LSAMP: variants seen among roughly 807,000 people sequenced by gnomAD.
The protein encoded by LSAMP is limbic system associated membrane protein.
LSAMP carries 7 observed loss-of-function variants against 38.6 expected under a neutral mutation model. The ratio of observed to expected loss-of-function variants is 0.18; its 90% CI spans 0.10 to 0.34. The LOEUF (loss-of-function observed/expected upper bound fraction) is 0.34. Ranked by LOEUF, LSAMP falls within the 10% of genes least tolerant of loss-of-function variation. The pLI is 1.00. For missense variants in LSAMP, 313 were observed against 420.0 expected (o/e 0.75, Z 2.23); for synonymous variants, 154 against 166.8 (o/e 0.92, Z 0.59).
intron 3 of LSAMP, among the ~76,000 whole-genome samples, chr3:115,977,664 C>T (rs531069252): frequency 4.2e-4 from 63 of 150,920 alleles, no homozygotes; most frequent in Admixed American, 8.0e-4. Context: ...ATATCTCCTC[C>T]TTATTGTCCA....
chr3:116,047,685 T>C (rs995476149), intron 2 of LSAMP, among the ~76,000 whole-genome samples: 2 of 152,158 alleles, frequency 1.3e-5, no homozygotes, highest in African/African-American at 4.8e-5. Flanking sequence ...AAAAGCCATT[T>C]CCCCTCTGTG....
At chr3:116,332,573 G>A (rs2047865138) in intron 1 of LSAMP, among the ~76,000 whole-genome samples, 1 of 152,126 alleles carries the variant, frequency 6.6e-6, no homozygotes, top group Non-Finnish European at 1.5e-5. Flanking sequence ...TGCAGAAAAT[G>A]AGGGACAAAA....
At chr3:116,002,023 TCTTTGA>T (rs959937403) in intron 3 of LSAMP, among the ~76,000 whole-genome samples, 2 of 152,210 alleles carry the variant, frequency 1.3e-5, no homozygotes, top group African/African-American at 2.4e-5. Context: ...CTTTCTTTTC[TCTTTGA>T]CTTTAACTTT....
At chr3:115,852,049 A>G (rs1220857906) in intron 4 of LSAMP, among the ~76,000 whole-genome samples, 1 of 152,218 alleles carries the variant, frequency 6.6e-6, no homozygotes, top group Non-Finnish European at 1.5e-5. Flanking sequence ...CCCAAGGCCA[A>G]TTATTTAAAT....
intron 3 of LSAMP, among the ~76,000 whole-genome samples, chr3:116,013,156 G>A (rs547827998): frequency 3.9e-5 from 6 of 152,320 alleles, no homozygotes; most frequent in East Asian, 1.9e-4. Context: ...CTGATGACAC[G>A]TGTGTAGGGT....
chr3:116,278,201 C>CACAA (rs2047079687), intron 1 of LSAMP, among the ~76,000 whole-genome samples: 1 of 152,148 alleles, frequency 6.6e-6, no homozygotes, highest in East Asian at 1.9e-4. Context: ...CAAAAAATGT[C>CACAA]ACAAACACAC....
chr3:116,129,722 T>A (rs1362167295), intron 1 of LSAMP, among the ~76,000 whole-genome samples: 5 of 152,212 alleles, frequency 3.3e-5, no homozygotes, highest in African/African-American at 4.8e-5. Flanking sequence ...AGTGGAAGAA[T>A]GAATGCCAGG....
At chr3:116,241,481 C>T (rs910246223) in intron 1 of LSAMP, among the ~76,000 whole-genome samples, 6 of 151,928 alleles carry the variant, frequency 3.9e-5, no homozygotes, top group Admixed American at 2.6e-4. Context: ...CAGGAGAATC[C>T]GCTTGAACCC....
chr3:116,349,473 C>T (rs1576151364), intron 1 of LSAMP, among the ~76,000 whole-genome samples: 2 of 150,374 alleles, frequency 1.3e-5, no homozygotes, highest in African/African-American at 4.9e-5. Context: ...AATGACCCCC[C>T]CCAAAAAAAC....
At chr3:116,070,417 A>G (rs942006033) in intron 2 of LSAMP, among the ~76,000 whole-genome samples, 3 of 152,216 alleles carry the variant, frequency 2.0e-5, no homozygotes, top group African/African-American at 7.2e-5. Context: ...GGTTAGAGAC[A>G]GAAGAGATCA....
intron 3 of LSAMP, among the ~76,000 whole-genome samples, chr3:115,890,313 T>C (rs1238078737): frequency 2.0e-5 from 3 of 152,012 alleles, no homozygotes; most frequent in East Asian, 1.9e-4. Flanking sequence ...ACCTAACAGA[T>C]AGTCATATAG....
chr3:115,822,348 CTCTT>C (rs1242942365), intron 6 of LSAMP, among the ~76,000 whole-genome samples: 1 of 141,672 alleles, frequency 7.1e-6, no homozygotes, highest in Non-Finnish European at 1.5e-5. Context: ...TCTTCTTTCT[CTCTT>C]TCTTTCCTTC....
chr3:116,109,915 G>A (rs1205501040), intron 1 of LSAMP, among the ~76,000 whole-genome samples: 1 of 151,932 alleles, frequency 6.6e-6, no homozygotes, highest in Middle Eastern at 3.4e-3. Context: ...AGAGATAAGA[G>A]GATGGGGTGC....
intron 1 of LSAMP, among the ~76,000 whole-genome samples, chr3:116,333,811 AAAAC>A (rs1236325513): frequency 9.2e-5 from 14 of 152,054 alleles, no homozygotes; most frequent in South Asian, 6.2e-4. Flanking sequence ...AAAAAATTAA[AAAAC>A]AAACTCATTT....
At chr3:115,941,719 T>TTC (rs1937927561) in intron 3 of LSAMP, among the ~76,000 whole-genome samples, 1 of 152,098 alleles carries the variant, frequency 6.6e-6, no homozygotes. Context: ...ATACTGTACG[T>TTC]TCTCACTTAC....
At chr3:116,366,256 C>T (rs1001680496) in intron 1 of LSAMP, among the ~76,000 whole-genome samples, 14 of 151,894 alleles carry the variant, frequency 9.2e-5, no homozygotes, top group East Asian at 5.8e-4. Flanking sequence ...GGCCAACAAA[C>T]ATAGGAAGTA....
At position 115,846,450 on chromosome 3, in the gene LSAMP, G is replaced by T. The variant is rs549523634; in HGVS notation, c.650-3872C>A. ...TAATATTGGGAATATTAGTATAAAA[G>T]AATAATATTCTGAATAGAAAATTTA... On this transcript the variant is annotated intron_variant, in intron 4 of 6. Transcript: ENST00000490035. Among the ~76,000 whole-genome samples, 8 of 152,210 alleles carry T rather than the reference G, an allele frequency of 5.3e-5. No homozygotes were observed. The East Asian group carries it at 5.8e-4, about 11-fold the overall frequency.
At chr3:116,050,971 A>G (rs575429529) in intron 2 of LSAMP, among the ~76,000 whole-genome samples, 3 of 152,346 alleles carry the variant, frequency 2.0e-5, no homozygotes, top group South Asian at 4.1e-4. Context: ...AAAGTGTTAA[A>G]TAATAAAAAC....
intron 1 of LSAMP, among the ~76,000 whole-genome samples, chr3:116,087,811 T>C (rs1457180395): frequency 6.6e-6 from 1 of 152,216 alleles, no homozygotes; most frequent in Non-Finnish European, 1.5e-5. Flanking sequence ...GCTAAGTCTT[T>C]TTAAATACTC....
Sources: allele counts gnomAD v4.1 joint callset (sites outside exome capture counted in the v4.1 genomes callset), GRCh38; gene constraint gnomAD v4.1.1; transcripts MANE v1.5; gene names NCBI Gene and HGNC (gene_info 2026-07-23, HGNC 2026-07-21).